Variants in CCDC88A observed in about 807,000 individuals in gnomAD.
CCDC88A encodes girdin.
Under a neutral mutation model 234.3 loss-of-function variants are expected in CCDC88A, and 54 were observed. The observed-to-expected ratio is 0.23, with a 90% CI of 0.19 to 0.29. The LOEUF (loss-of-function observed/expected upper bound fraction) is 0.29, where lower values mean the gene tolerates loss of function less well. Among genes scored for constraint, CCDC88A ranks in the 10% least tolerant of loss-of-function variants. The pLI, the probability that CCDC88A is intolerant of heterozygous loss-of-function variation, is 1.00. For missense variants in CCDC88A, 1,832 were observed against 2,123.4 expected, an observed-to-expected ratio of 0.86 and a Z score of 2.70; for synonymous variants, 753 against 737.8, an observed-to-expected ratio of 1.02 and a Z score of -0.33.
intron 18 of CCDC88A, 100 bp downstream of exon 18, chr2:55,322,428 T>G: frequency 2.9e-6 from 2 of 701,044 alleles, no homozygotes; most frequent in Non-Finnish European, 4.6e-6. Context: ...TTAAGTGCCA[T>G]CAATTGTTTA....
At chr2:55,339,410 T>C in intron 13 of CCDC88A, 54 bp downstream of exon 13, 1 of 1,239,170 alleles carries the variant, frequency 8.1e-7, no homozygotes, top group Non-Finnish European at 1.1e-6. Flanking sequence ...GGCTATTTAT[T>C]TACACTTTTA....
intron 3 of CCDC88A, among the ~76,000 whole-genome samples, chr2:55,381,195 T>C (rs939519620): frequency 2.1e-4 from 32 of 152,184 alleles, no homozygotes; most frequent in African/African-American, 6.3e-4. Flanking sequence ...GACTATATCA[T>C]CTACATTTGT....
intron 29 of CCDC88A, chr2:55,296,821 T>A (rs1172836316): frequency 7.6e-6 from 2 of 263,070 alleles, no homozygotes; most frequent in East Asian, 1.5e-4. Context: ...ATTCAATATA[T>A]TTTTTGAGTA....
At chr2:55,358,728 G>T in intron 7 of CCDC88A, among the ~76,000 whole-genome samples, 1 of 151,598 alleles carries the variant, frequency 6.6e-6, no homozygotes, top group African/African-American at 2.4e-5. Context: ...TCTTCTTATT[G>T]GCTTTTTTCT....
At position 55,419,531 on chromosome 2, in the gene CCDC88A, CGA is replaced by C; in HGVS notation, c.-454_-453del. 1 of 138,902 alleles carries C rather than the reference CGA, an allele frequency of 7.2e-6. No individual in the cohort carries two copies. The highest frequency in any genetic ancestry group is 2.2e-4 in the South Asian group (1 of 4,578). 8.6% of individuals were successfully genotyped at this position (138,902 alleles called of 1,614,324 possible). On this transcript the variant is annotated 5_prime_UTR_variant, in exon 1 of 33. Transcript: ENST00000436346. ...AAGGATACCGAGGCGCCACCAGACT[CGA>C]CCTCGGCGTTCCGACCTCTACACGT...
intron 13 of CCDC88A, chr2:55,337,676 A>G (rs894566977): frequency 5.3e-5 from 8 of 152,168 alleles, no homozygotes; most frequent in African/African-American, 1.9e-4. Flanking sequence ...AAAACAAAAC[A>G]AAAAACAAAA....
intron 16 of CCDC88A, among the ~76,000 whole-genome samples, chr2:55,330,608 T>C (rs1376746651): frequency 1.3e-5 from 2 of 152,138 alleles, no homozygotes; most frequent in Non-Finnish European, 2.9e-5. Context: ...GTTTTTTTTG[T>C]GACATAAAGA....
chr2:55,374,282 C>T (rs1006855939), intron 4 of CCDC88A, among the ~76,000 whole-genome samples: 1 of 152,082 alleles, frequency 6.6e-6, no homozygotes, highest in Non-Finnish European at 1.5e-5. Context: ...GCAGGAGAAT[C>T]GCTTGAACCC....
At chr2:55,301,363 G>T in intron 27 of CCDC88A, 86 bp from the exon 28 acceptor site, 1 of 708,310 alleles carries the variant, frequency 1.4e-6, no homozygotes, top group Non-Finnish European at 2.3e-6. Flanking sequence ...TATGGAAATT[G>T]TTTTTCAATC....
intron 2 of CCDC88A, among the ~76,000 whole-genome samples, chr2:55,398,392 A>T (rs1276437557): frequency 2.0e-5 from 3 of 152,172 alleles, no homozygotes. Flanking sequence ...ATTACTATAA[A>T]CTATCTGTAC....
At chr2:55,403,297 T>C (rs1293945632) in intron 2 of CCDC88A, 2 of 152,220 alleles carry the variant, frequency 1.3e-5, no homozygotes, top group Non-Finnish European at 2.9e-5. Flanking sequence ...CCATGAGTAC[T>C]TTTTCTTGAG....
intron 2 of CCDC88A, among the ~76,000 whole-genome samples, chr2:55,414,013 A>T (rs998768549): frequency 1.3e-5 from 2 of 151,982 alleles, no homozygotes; most frequent in South Asian, 2.1e-4. Context: ...AGGGCAGATG[A>T]CTTCTGAAGT....
intron 18 of CCDC88A, 68 bp downstream of exon 18, chr2:55,322,460 G>A: frequency 1.1e-6 from 1 of 885,458 alleles, no homozygotes; most frequent in Admixed American, 2.8e-5. Context: ...ATGTATCTAA[G>A]ATAAATATAT....
chr2:55,336,931 G>T, intron 13 of CCDC88A, 113 bp from the exon 14 acceptor site: 2 of 581,618 alleles, frequency 3.4e-6, no homozygotes, highest in Non-Finnish European at 5.6e-6. Flanking sequence ...ATATCCAAAT[G>T]CTAAAATTTA....
rs1317654576 is a variant in CCDC88A, at chr2:55,296,034, T to C, written c.5114A>G (p.Asn1705Ser). 1 of 1,603,222 alleles carries C rather than the reference T, an allele frequency of 6.2e-7. No homozygotes were observed. The highest frequency in any genetic ancestry group is 1.1e-5 in the South Asian group (1 of 88,672). Reference protein sequence around the residue: ...SVQIKSSSQENLLDEVMKSLS... With the variant: ...SVQIKSSSQESLLDEVMKSLS... ...ACTTTTCATTACTTCATCTAAAAGA[T>C]TCTCTTGACTTGAGGACTTTATCTG... is the stretch of plus-strand genomic sequence containing the variant. The change falls in exon 31 of 33, where the codon AAT becomes AGT. Residue 1705 changes from asparagine to serine, a missense_variant. Coordinates refer to ENST00000436346, the MANE Select transcript of CCDC88A (RefSeq NM_001365480.1).
rs984259375 is a variant in CCDC88A at position 55,374,856 on chromosome 2, A to G, written c.301T>C (p.Ser101Pro). The G allele has an allele frequency of 6.2e-7, 1 of 1,609,158 alleles. No homozygotes were observed. Among genetic ancestry groups the G allele is most frequent in the African/African-American group, 1.3e-5 (1 of 74,990 alleles). The change falls in exon 4 of 33, where the codon TCG (serine) becomes CCG (proline). Residue 101 changes from serine to proline, a missense_variant. Coordinates refer to ENST00000436346, the MANE Select transcript of CCDC88A (RefSeq NM_001365480.1). ...CCAATGATTAAGACATTTGGCAACGACATCATGATCAATTGCTGCAAAGTC... is the reference window on the plus strand; with the variant it reads ...CCAATGATTAAGACATTTGGCAACGGCATCATGATCAATTGCTGCAAAGTC... ...QETLQQLIMM[S>P]LPNVLIIGKN...
At chr2:55,385,359 T>G (rs1450106473) in intron 3 of CCDC88A, among the ~76,000 whole-genome samples, 3 of 152,092 alleles carry the variant, frequency 2.0e-5, no homozygotes, top group African/African-American at 4.8e-5. Flanking sequence ...AACAGAAGAT[T>G]TGACACAAAT....
chr2:55,322,426 C>A, intron 18 of CCDC88A, 102 bp downstream of exon 18: 3 of 686,462 alleles, frequency 4.4e-6, no homozygotes, highest in Non-Finnish European at 7.1e-6. Context: ...TATTAAGTGC[C>A]ATCAATTGTT....
At chr2:55,327,146 T>C (rs1178981234) in intron 17 of CCDC88A, among the ~76,000 whole-genome samples, 1 of 152,222 alleles carries the variant, frequency 6.6e-6, no homozygotes. Flanking sequence ...GTAAAACTTA[T>C]TCTGTAACAA....
Sources: allele counts gnomAD v4.1 joint callset (sites outside exome capture counted in the v4.1 genomes callset), GRCh38; gene constraint gnomAD v4.1.1; transcripts MANE v1.5; gene names NCBI Gene and HGNC (gene_info 2026-07-23, HGNC 2026-07-21).